Variants in RAP1GAP2 observed in about 807,000 individuals in gnomAD.
RAP1GAP2 encodes RAP1 GTPase activating protein 2.
In RAP1GAP2, 27 loss-of-function variants were observed where a neutral mutation model predicts 95.0. The observed-to-expected ratio is 0.28, with a 90% confidence interval of 0.21 to 0.39. The LOEUF (loss-of-function observed/expected upper bound fraction) is 0.39, where lower values mean the gene tolerates loss of function less well. Among genes scored for constraint, RAP1GAP2 ranks in the 10% least tolerant of loss-of-function variants. The pLI is 1.00. For synonymous variants in RAP1GAP2, 373 were observed against 380.9 expected (o/e 0.98, Z 0.24); for missense variants, 771 against 970.0 (o/e 0.79, Z 2.72).
chr17:2,926,235 C>T (rs533508733), intron 3 of RAP1GAP2, among the ~76,000 whole-genome samples: 1 of 152,290 alleles, frequency 6.6e-6, no homozygotes, highest in South Asian at 2.1e-4. Flanking sequence ...GCGCAGGCCT[C>T]CCGGCCCATC....
chr17:2,766,907 G>T (rs1002105369), intron 1 of RAP1GAP2, among the ~76,000 whole-genome samples: 1 of 151,946 alleles, frequency 6.6e-6, no homozygotes, highest in Non-Finnish European at 1.5e-5. Context: ...CCTCTCCCCG[G>T]GGAGGACTTA....
chr17:3,015,847 A>G (rs8072781), intron 17 of RAP1GAP2, among the ~76,000 whole-genome samples: 103,268 of 151,112 alleles, frequency 0.68, 35,396 homozygotes, highest in Admixed American at 0.7. Flanking sequence ...GGCTCAAAAG[A>G]GGAAGGGAGG....
intron 5 of RAP1GAP2, chr17:2,962,937 G>C: frequency 1.8e-6 from 1 of 569,788 alleles, no homozygotes; most frequent in African/African-American, 1.9e-5. Flanking sequence ...GCAGGCTGGG[G>C]GTGGAGGCCT....
At chr17:2,814,778 G>A (rs2069931329) in intron 2 of RAP1GAP2, among the ~76,000 whole-genome samples, 1 of 152,132 alleles carries the variant, frequency 6.6e-6, no homozygotes, top group Admixed American at 6.6e-5. Flanking sequence ...AGGGTGGAGT[G>A]GGCGGAAATC....
In RAP1GAP2 at chr17:2,870,011, G is replaced by A. The variant is rs1251559934; in HGVS notation, c.81-35273G>A. On this transcript the variant is annotated intron_variant, in intron 2 of 24. Coordinates refer to ENST00000254695, the MANE Select transcript of RAP1GAP2 (RefSeq NM_015085.5). This position sits in a 1 kb window ranked among gnomAD's most constrained non-coding sequence, Gnocchi z 4.4. ...AGATGGGCAGCAGCTACTCCAGGGT[G>A]CGTTGACCTGCAGAGCAGGCCTCAG... is the stretch of plus-strand genomic sequence containing the variant. Among the ~76,000 whole-genome samples the A allele has an allele frequency of 6.8e-6, 1 of 146,942 alleles. No individual in the cohort carries two copies. The highest frequency in any genetic ancestry group is 6.6e-5 in the Admixed American group (1 of 15,050).
chr17:3,004,626 G>T lies in RAP1GAP2; in HGVS notation c.1201-743G>T, dbSNP rs1303264886. Among the ~76,000 whole-genome samples the T allele has an allele frequency of 1.3e-5, 2 of 152,268 alleles. No individual in the cohort carries two copies. The highest frequency in any genetic ancestry group is 1.3e-4 in the Admixed American group (2 of 15,294). ...CGAACCTCGAGGCCGTCACTCTAAA[G>T]CTCAGTCTCACTCAGGGTGCCAGAG... On this transcript the variant is annotated intron_variant, in intron 14 of 24. Coordinates refer to ENST00000254695, the MANE Select transcript of RAP1GAP2 (RefSeq NM_015085.5). The surrounding 1 kb of genome is among the most constrained non-coding windows in gnomAD (Gnocchi z 4.1).
At chr17:2,800,632 G>T in intron 2 of RAP1GAP2, 82 bp downstream of exon 2, 2 of 1,415,142 alleles carry the variant, frequency 1.4e-6, no homozygotes, top group East Asian at 4.8e-5. Flanking sequence ...CAGGTTGTGG[G>T]AGACACAAGA....
intron 10 of RAP1GAP2, among the ~76,000 whole-genome samples, chr17:2,981,918 A>G (rs894376131): frequency 9.9e-5 from 15 of 152,248 alleles, no homozygotes; most frequent in Admixed American, 7.9e-4. Context: ...GACCCAGTGC[A>G]TCGACTGCGT....
intron 2 of RAP1GAP2, among the ~76,000 whole-genome samples, chr17:2,809,901 C>A (rs1053801947): frequency 6.6e-6 from 1 of 152,080 alleles, no homozygotes; most frequent in East Asian, 1.9e-4. Flanking sequence ...TGTCTGGGAG[C>A]GGGGTGGCAC....
intron 3 of RAP1GAP2, among the ~76,000 whole-genome samples, chr17:2,922,698 G>A (rs1463235373): frequency 1.3e-5 from 2 of 152,146 alleles, no homozygotes; most frequent in Admixed American, 6.6e-5. Context: ...GCCATGGCAG[G>A]TGCTTCATAA....
At chr17:2,947,159 G>A (rs1381233691) in intron 3 of RAP1GAP2, among the ~76,000 whole-genome samples, 1 of 152,110 alleles carries the variant, frequency 6.6e-6, no homozygotes, top group Non-Finnish European at 1.5e-5. Flanking sequence ...ATAGTGAAAT[G>A]GCACCTCTGA....
At position 3,008,145 on chromosome 17, in the gene RAP1GAP2, G is replaced by A; in HGVS notation, c.1494G>A (p.Lys498=). The change falls in exon 17 of 25, where the codon AAG becomes AAA. Residue 498 remains lysine, a splice_region_variant and synonymous_variant. Coordinates refer to ENST00000254695, the MANE Select transcript of RAP1GAP2 (RefSeq NM_015085.5). This position sits in a 1 kb window ranked among gnomAD's most constrained non-coding sequence, Gnocchi z 4.2. ...GGHGGFLESF[K]RAIRVRSHSM... is the part of the protein sequence containing the mutation. ...ACGGGGGGTTCCTGGAGTCTTTTAA[G>A]GTATGAGCGTCAGAGTGACTGATGG... 4 of 1,613,940 alleles carry A rather than the reference G, an allele frequency of 2.5e-6. No homozygotes were observed. Among genetic ancestry groups the A allele is most frequent in the Non-Finnish European group, 3.4e-6 (4 of 1,179,854 alleles).
At chr17:2,878,241 A>G (rs1005134522) in intron 2 of RAP1GAP2, among the ~76,000 whole-genome samples, 1 of 152,052 alleles carries the variant, frequency 6.6e-6, no homozygotes, top group Admixed American at 6.6e-5. Flanking sequence ...CTTTAATTGC[A>G]AGAGAACCTA....
intron 11 of RAP1GAP2, among the ~76,000 whole-genome samples, chr17:2,989,987 T>A (rs1227608819): frequency 6.6e-6 from 1 of 152,212 alleles, no homozygotes; most frequent in Non-Finnish European, 1.5e-5. Flanking sequence ...AATGGAATCA[T>A]CATATGTGGC....
chr17:2,984,303 A>G (rs2045476437), intron 10 of RAP1GAP2, among the ~76,000 whole-genome samples: 1 of 152,102 alleles, frequency 6.6e-6, no homozygotes, highest in African/African-American at 2.4e-5. Flanking sequence ...AGCCAAGACC[A>G]CGCCATTGCA....
intron 2 of RAP1GAP2, among the ~76,000 whole-genome samples, chr17:2,880,915 T>G (rs1451601836): frequency 1.3e-5 from 2 of 151,938 alleles, no homozygotes; most frequent in African/African-American, 4.8e-5. Context: ...TCATTTGAGG[T>G]CAGGAGTTCG....
At chr17:2,784,752 G>T (rs941612234) in intron 1 of RAP1GAP2, among the ~76,000 whole-genome samples, 4 of 152,076 alleles carry the variant, frequency 2.6e-5, no homozygotes, top group Admixed American at 1.3e-4. Flanking sequence ...AATGGGAAAG[G>T]CCTTTTCTGT....
intron 2 of RAP1GAP2, among the ~76,000 whole-genome samples, chr17:2,852,900 G>C (rs557079344): frequency 8.5e-5 from 13 of 152,142 alleles, no homozygotes; most frequent in African/African-American, 2.4e-4. Context: ...CCGACCTTCC[G>C]CCCTTCCTTT....
chr17:2,997,988 A>G (rs948332118), intron 13 of RAP1GAP2, among the ~76,000 whole-genome samples: 1 of 151,958 alleles, frequency 6.6e-6, no homozygotes, highest in Non-Finnish European at 1.5e-5. Context: ...CCCAAATAGG[A>G]AAGCAACTCA....
Sources: allele counts gnomAD v4.1 joint callset (sites outside exome capture counted in the v4.1 genomes callset), GRCh38; gene constraint gnomAD v4.1.1; non-coding constraint Gnocchi (gnomAD v3.1); transcripts MANE v1.5; gene names NCBI Gene and HGNC (gene_info 2026-07-23, HGNC 2026-07-21).